The following IL1R1 variants were observed in gnomAD, a reference collection of about 807,000 sequenced individuals.
IL1R1 encodes interleukin 1 receptor type 1.
In IL1R1, 22 loss-of-function variants were observed where a neutral mutation model predicts 50.2. The ratio of observed to expected loss-of-function variants is 0.44; its 90% CI spans 0.31 to 0.63. The LOEUF (loss-of-function observed/expected upper bound fraction) is 0.63, where lower values mean the gene tolerates loss of function less well. Ranked by LOEUF, IL1R1 falls within the 20% of genes least tolerant of loss-of-function variation. The pLI is 0.07. For missense variants in IL1R1, 509 were observed against 676.2 expected (o/e 0.75, Z 2.74); for synonymous variants, 251 against 236.7 (o/e 1.06, Z -0.55).
At chr2:102,113,310 C>G (rs1032584759) in intron 1 of IL1R1, among the ~76,000 whole-genome samples, 2 of 152,204 alleles carry the variant, frequency 1.3e-5, no homozygotes, top group African/African-American at 4.8e-5. Flanking sequence ...TTCTTTTATC[C>G]TTTGGTGAGA....
intron 1 of IL1R1, among the ~76,000 whole-genome samples, chr2:102,114,915 G>A (rs1174770898): frequency 3.9e-5 from 6 of 152,174 alleles, no homozygotes; most frequent in African/African-American, 1.4e-4. Context: ...CTGGAGTTGA[G>A]TTCCCTTTCT....
At chr2:102,113,326 T>C (rs1472164611) in intron 1 of IL1R1, among the ~76,000 whole-genome samples, 2 of 152,374 alleles carry the variant, frequency 1.3e-5, no homozygotes, top group East Asian at 3.8e-4. Flanking sequence ...TGAGAAATTA[T>C]TAGCGGTGAA....
intron 1 of IL1R1, among the ~76,000 whole-genome samples, chr2:102,118,328 C>T (rs1681208866): frequency 2.0e-5 from 3 of 152,178 alleles, no homozygotes; most frequent in Admixed American, 2.0e-4. Context: ...CACTTCCCCT[C>T]CCATACACCT....
chr2:102,097,178 T>C (rs1205703673), intron 1 of IL1R1, among the ~76,000 whole-genome samples: 2 of 152,186 alleles, frequency 1.3e-5, no homozygotes, highest in African/African-American at 4.8e-5. Context: ...CGGGGCTGCT[T>C]CCTTCCTGCA....
chr2:102,119,026 A>AG (rs1036787253), intron 1 of IL1R1, among the ~76,000 whole-genome samples: 2 of 151,552 alleles, frequency 1.3e-5, no homozygotes, highest in African/African-American at 4.8e-5. Context: ...TCAAAAAAAA[A>AG]AAAAAAAAAA....
chr2:102,170,072 T>C (rs1685542109), intron 7 of IL1R1, among the ~76,000 whole-genome samples: 1 of 152,220 alleles, frequency 6.6e-6, no homozygotes, highest in South Asian at 2.1e-4. Context: ...TAGGCTGCAT[T>C]GATCTCTCAA....
intron 6 of IL1R1, among the ~76,000 whole-genome samples, chr2:102,168,360 A>G (rs1404970056): frequency 6.6e-6 from 1 of 152,182 alleles, no homozygotes; most frequent in African/African-American, 2.4e-5. Flanking sequence ...GTTTTTCAGT[A>G]GCACCCCACT....
chr2:102,089,666 T>G (rs1464881113), intron 1 of IL1R1, among the ~76,000 whole-genome samples: 1 of 152,114 alleles, frequency 6.6e-6, no homozygotes, highest in African/African-American at 2.4e-5. Flanking sequence ...ATGAGGTCTG[T>G]TTGTACCTCG....
At chr2:102,116,992 C>T (rs905673368) in intron 1 of IL1R1, among the ~76,000 whole-genome samples, 1 of 152,152 alleles carries the variant, frequency 6.6e-6, no homozygotes, top group Admixed American at 6.6e-5. Context: ...GAAAAAATGA[C>T]TTTTATAATA....
intron 9 of IL1R1, among the ~76,000 whole-genome samples, chr2:102,173,895 G>A (rs538866392): frequency 9.2e-4 from 140 of 152,272 alleles, no homozygotes; most frequent in African/African-American, 3.2e-3. Context: ...ACTTAAGACC[G>A]TAAGTGTGAA....
At chr2:102,082,393 T>C (rs1166519338) in intron 1 of IL1R1, among the ~76,000 whole-genome samples, 1 of 152,218 alleles carries the variant, frequency 6.6e-6, no homozygotes, top group Admixed American at 6.5e-5. Flanking sequence ...TTGTTTGTTC[T>C]AAAGCCAAGG....
intron 1 of IL1R1, among the ~76,000 whole-genome samples, chr2:102,113,612 A>G (rs564961033): frequency 6.6e-6 from 1 of 152,246 alleles, no homozygotes; most frequent in East Asian, 1.9e-4. Context: ...GGGACTTTTC[A>G]TTACTTGCGA....
At position 102,136,628 on chromosome 2, in the gene IL1R1, G is replaced by A. The variant is rs1298044111; in HGVS notation, c.-83-17313G>A. Among the ~76,000 whole-genome samples, 5 of 151,878 alleles carry A rather than the reference G, an allele frequency of 3.3e-5. No homozygotes were observed. The South Asian group carries it at 6.2e-4, about 19-fold the overall frequency. On this transcript the variant is annotated intron_variant, in intron 1 of 10. Transcript: ENST00000409329. ...CCTGACCTCGTGATCTACCCTCCTCGGCCTCCCAAAGTGCTGGGATTACAG... is the reference window on the plus strand; with the variant it reads ...CCTGACCTCGTGATCTACCCTCCTCAGCCTCCCAAAGTGCTGGGATTACAG...
At chr2:102,124,410 A>T (rs531874901) in intron 1 of IL1R1, among the ~76,000 whole-genome samples, 3 of 151,178 alleles carry the variant, frequency 2.0e-5, no homozygotes, top group Non-Finnish European at 4.4e-5. Context: ...ACAGAGCAAG[A>T]CTCCATCTCC....
At chr2:102,074,422 G>GCCTCTCCGCCCATGTCATCTCTGGT (rs1678875174) in intron 1 of IL1R1, among the ~76,000 whole-genome samples, 1 of 152,154 alleles carries the variant, frequency 6.6e-6, no homozygotes, top group African/African-American at 2.4e-5. Flanking sequence ...TCATCTCTGG[G>GCCTCTCCGCCCATGTCATCTCTGGT]CCTCTCCATA....
chr2:102,141,747 A>T (rs1682659030), upstream of IL1R1: 1 of 152,224 alleles, frequency 6.6e-6, no homozygotes, highest in South Asian at 2.1e-4. Context: ...AGAAGGAAGG[A>T]AGCTATCATC....
At chr2:102,080,762 A>G (rs1679168933) in intron 1 of IL1R1, among the ~76,000 whole-genome samples, 1 of 152,244 alleles carries the variant, frequency 6.6e-6, no homozygotes, top group African/African-American at 2.4e-5. Flanking sequence ...ACCAATTTTC[A>G]TAGCAACATT....
At chr2:102,102,599 G>C (rs1200338739), upstream of IL1R1, among the ~76,000 whole-genome samples, 1 of 152,102 alleles carries the variant, frequency 6.6e-6, no homozygotes, top group African/African-American at 2.4e-5. Context: ...AAGCAGTTTG[G>C]TGATTGCTCA....
Position 102,112,798 on chromosome 2 carries a change from AAGCCCACC to A in IL1R1, c.-84+7928_-84+7935del, listed in dbSNP as rs370357663. Among the ~76,000 whole-genome samples, 404 of 152,284 alleles carry A rather than the reference AAGCCCACC, an allele frequency of 2.7e-3. 1 individual carries two copies. Among genetic ancestry groups the A allele is most frequent in the African/African-American group, 8.7e-3 (363 of 41,540 alleles). On this transcript the variant is annotated intron_variant, in intron 1 of 10. Coordinates refer to the IL1R1 transcript ENST00000409329. ...TAGATTGAATGTCTGTGTGTCCCCC[AAGCCCACC>A]ACTAAATTCCTATGTTGAAACCCTA...
Sources: gnomAD v4.1 joint callset for allele counts (sites outside exome capture counted in the v4.1 genomes callset) on GRCh38, gnomAD v4.1.1 for gene constraint, MANE v1.5 for transcripts, NCBI Gene and HGNC (gene_info 2026-07-23, HGNC 2026-07-21) for gene names.